The following CEBPG variants were observed in gnomAD, a reference collection of about 807,000 sequenced individuals.
CEBPG encodes the protein CCAAT enhancer binding protein gamma.
CEBPG carries 6 observed loss-of-function variants against 11.1 expected under a neutral mutation model. The ratio of observed to expected loss-of-function variants is 0.54; its 90% confidence interval spans 0.30 to 1.07. The LOEUF is 1.07. Ranked by LOEUF, CEBPG falls within the 50% of genes least tolerant of loss-of-function variation. CEBPG has a pLI of 0.07. For missense variants in CEBPG, 161 were observed against 187.4 expected (o/e 0.86, Z 0.82); for synonymous variants, 66 against 71.0 (o/e 0.93, Z 0.36).
At chr19:33,377,507 G>A (rs1242880897) in intron 1 of CEBPG, among the ~76,000 whole-genome samples, 1 of 152,198 alleles carries the variant, frequency 6.6e-6, no homozygotes, top group African/African-American at 2.4e-5. Context: ...CAGGGGAGGT[G>A]TTAAACAAGT....
chr19:33,376,178 G>A (rs1201803187), intron 1 of CEBPG, among the ~76,000 whole-genome samples: 1 of 152,132 alleles, frequency 6.6e-6, no homozygotes, highest in African/African-American at 2.4e-5. Flanking sequence ...GAAATCGAGT[G>A]AAAAATTTAT....
In CEBPG at chr19:33,382,051, G is replaced by A. The variant is rs1967996673; in HGVS notation, c.*2359G>A. The A allele has an allele frequency of 6.0e-6, 1 of 167,126 alleles. No individual in the cohort carries two copies. Among genetic ancestry groups the A allele is most frequent in the Non-Finnish European group, 1.5e-5 (1 of 68,126 alleles). 10.4% of individuals were successfully genotyped at this position (167,126 alleles called of 1,614,324 possible). A position where few individuals can be genotyped will look rare whatever the true frequency, so the allele number is the denominator to read the frequency against. On this transcript the variant is annotated 3_prime_UTR_variant, in exon 2 of 2. Coordinates refer to ENST00000284000, the MANE Select transcript of CEBPG (RefSeq NM_001806.4). ...TTGTGAGGTGACTTTTGTAACTTTT[G>A]TTCTGTGTGTGACCTGTGAACCACT...
chr19:33,379,024 T>C, intron 1 of CEBPG, 120 bp from the exon 2 acceptor site: 2 of 449,014 alleles, frequency 4.5e-6, no homozygotes, highest in Non-Finnish European at 7.8e-6. Flanking sequence ...CAGTTGGCAG[T>C]TGCTGTAGAC....
At chr19:33,379,064 C>A in intron 1 of CEBPG, 80 bp from the exon 2 acceptor site, 2 of 527,728 alleles carry the variant, frequency 3.8e-6, no homozygotes, top group Non-Finnish European at 6.5e-6. Context: ...TAATGTTGGC[C>A]TGATGTTAGG....
At chr19:33,374,757 T>A (rs1034733693) in intron 1 of CEBPG, 1 of 152,198 alleles carries the variant, frequency 6.6e-6, no homozygotes, top group Non-Finnish European at 1.5e-5. Context: ...TCTGGCATCC[T>A]GAAATGTATA....
At position 33,379,563 on chromosome 19, in the gene CEBPG, C is replaced by G. The variant is rs1313833097; in HGVS notation, c.324C>G (p.Ile108Met). Residue 108 changes from isoleucine to methionine, a missense_variant, in exon 2 of 2, where the codon ATC becomes ATG. Ile to Met is a conservative substitution (Grantham distance 10). Transcript: ENST00000284000. ...AGAATGAACGGTTGGAAGCAAAAAT[C>G]AAATTGCTGACCAAGGAATTAAGTG... ...KEENERLEAK[I>M]KLLTKELSVL... 3 of 1,613,946 alleles carry G rather than the reference C, an allele frequency of 1.9e-6. No individual in the cohort carries two copies. The highest frequency in any genetic ancestry group is 2.5e-6 in the Non-Finnish European group (3 of 1,179,916).
intron 1 of CEBPG, among the ~76,000 whole-genome samples, chr19:33,375,342 C>T (rs1293657415): frequency 1.3e-5 from 2 of 152,068 alleles, no homozygotes; most frequent in Non-Finnish European, 2.9e-5. Flanking sequence ...TGAATTTGGT[C>T]TCGTGGTCTA....
Position 33,379,919 on chromosome 19 carries a change from C to T in CEBPG, c.*227C>T, listed in dbSNP as rs191375408. The stretch of plus-strand genomic sequence containing the variant: ...AGGTTTTTGTGGGAATCAAAATCCC[C>T]CAAATGTTAAGGTATATGGTAAAAA... On this transcript the variant is annotated 3_prime_UTR_variant, in exon 2 of 2. Transcript: ENST00000284000. The T allele has an allele frequency of 2.2e-6, 1 of 452,178 alleles. No homozygotes were observed. The highest frequency in any genetic ancestry group is 2.0e-5 in the African/African-American group (1 of 50,148). 28.0% of individuals were successfully genotyped at this position (452,178 alleles called of 1,614,324 possible).
rs76738473 is a variant in CEBPG at position 33,380,000 on chromosome 19, T to C, written c.*308T>C. 6,314 of 243,738 alleles carry C rather than the reference T, an allele frequency of 0.026. 110 individuals are homozygous for C. The highest frequency in any genetic ancestry group is 0.064 in the Middle Eastern group (45 of 700). The allele number at this position is 243,738 out of a possible 1,614,324, so 15.1% of individuals were successfully genotyped here. ...TAAATCCTGACTTCCCAAGAAATGC[T>C]TCTTTTTTAAGTTGACAAAAGGAAT... is the stretch of plus-strand genomic sequence containing the variant. On this transcript the variant is annotated 3_prime_UTR_variant, in exon 2 of 2. Transcript: ENST00000284000.
intron 1 of CEBPG, 105 bp from the exon 2 acceptor site, chr19:33,379,038 TC>T (rs2145311589): frequency 2.1e-6 from 1 of 484,844 alleles, no homozygotes; most frequent in East Asian, 3.2e-5. Flanking sequence ...TGTAGACTTT[TC>T]TCAGCAGAAT....
intron 1 of CEBPG, 90 bp from the exon 2 acceptor site, chr19:33,379,054 T>C: frequency 2.0e-6 from 1 of 506,366 alleles, no homozygotes; most frequent in Non-Finnish European, 3.4e-6. Flanking sequence ...CAGAATCAAT[T>C]AATGTTGGCC....
Position 33,379,602 on chromosome 19 carries a change from G to C in CEBPG, c.363G>C (p.Leu121Phe), listed in dbSNP as rs753806530. 8 of 1,614,130 alleles carry C rather than the reference G, an allele frequency of 5.0e-6. No individual in the cohort carries two copies. The highest frequency in any genetic ancestry group is 6.8e-6 in the Non-Finnish European group (8 of 1,180,022). Residue 121 changes from leucine (L) to phenylalanine (F), a missense_variant, in exon 2 of 2, where the codon TTG becomes TTC. Transcript: ENST00000284000. The part of the protein sequence containing the change: ...LTKELSVLKD[L>F]FLEHAHNLAD... ...AGGAATTAAGTGTACTCAAAGATTTGTTTCTTGAGCATGCACACAACCTTG... is the reference window on the plus strand; with the variant it reads ...AGGAATTAAGTGTACTCAAAGATTTCTTTCTTGAGCATGCACACAACCTTG...
At chr19:33,378,537 T>G (rs565887720) in intron 1 of CEBPG, among the ~76,000 whole-genome samples, 1 of 152,314 alleles carries the variant, frequency 6.6e-6, no homozygotes, top group South Asian at 2.1e-4. Context: ...TCAGTAAATT[T>G]GGTTAAACTG....
chr19:33,379,661 C>A lies in CEBPG; in HGVS notation c.422C>A (p.Thr141Lys). 1 of 1,612,644 alleles carries A rather than the reference C, an allele frequency of 6.2e-7. No homozygotes were observed. The highest frequency in any genetic ancestry group is 8.5e-7 in the Non-Finnish European group (1 of 1,178,946). Residue 141 changes from threonine to lysine, a missense_variant, in exon 2 of 2, where the codon ACG becomes AAG. Transcript: ENST00000284000. ...GTACAGTCCATTAGCACTGAAAATA[C>A]GACAGCAGATGGCGACAATGCAGGA... is the stretch of plus-strand genomic sequence containing the variant. ...DNVQSISTEN[T>K]TADGDNAGQ
chr19:33,377,752 C>T (rs1476268473), intron 1 of CEBPG, among the ~76,000 whole-genome samples: 2 of 152,152 alleles, frequency 1.3e-5, no homozygotes, highest in East Asian at 1.9e-4. Flanking sequence ...TTAGTGTTGG[C>T]GTGAGAACAG....
In CEBPG at chr19:33,379,372, G is replaced by A; in HGVS notation, c.133G>A (p.Ala45Thr). ...TGCTGGCCCTGGGGGAGGAGGCAAA[G>A]CTGTGGCTCCCAGCAAGCAGAGCAA... is the stretch of plus-strand genomic sequence containing the variant. ...VPAGPGGGGK[A>T]VAPSKQSKKS... Residue 45 changes from alanine (A) to threonine (T), a missense_variant, in exon 2 of 2, where the codon GCT (alanine) becomes ACT (threonine). Coordinates refer to ENST00000284000, the MANE Select transcript of CEBPG (RefSeq NM_001806.4). 6.2e-7 allele frequency: 1 copy of A among 1,614,048 alleles called. No homozygotes were observed. The highest frequency in any genetic ancestry group is 8.5e-7 in the Non-Finnish European group (1 of 1,180,026).
At position 33,380,929 on chromosome 19, in the gene CEBPG, A is replaced by G. The variant is rs1967978461; in HGVS notation, c.*1237A>G. On this transcript the variant is annotated 3_prime_UTR_variant, in exon 2 of 2. Coordinates refer to ENST00000284000, the MANE Select transcript of CEBPG (RefSeq NM_001806.4). ...GCTTTTGTGTCCCATAAATTATTTC[A>G]GAAAATGCTGATAAAACTCAGGATA... The G allele has an allele frequency of 6.0e-6, 1 of 166,956 alleles. No individual in the cohort carries two copies. The highest frequency in any genetic ancestry group is 2.4e-5 in the African/African-American group (1 of 41,454). 10.3% of individuals were successfully genotyped at this position (166,956 alleles called of 1,614,324 possible). A position where few individuals can be genotyped will look rare whatever the true frequency, so the allele number is the denominator to read the frequency against.
Position 33,382,628 on chromosome 19 carries a change from TA to T in CEBPG, c.*2939del, listed in dbSNP as rs1248338062. 18 of 166,920 alleles carry T rather than the reference TA, an allele frequency of 1.1e-4. No homozygotes were observed. The highest frequency in any genetic ancestry group is 1.5e-5 in the Non-Finnish European group (1 of 68,124). 10.3% of individuals were successfully genotyped at this position (166,920 alleles called of 1,614,324 possible). On this transcript the variant is annotated 3_prime_UTR_variant, in exon 2 of 2. Coordinates refer to ENST00000284000, the MANE Select transcript of CEBPG (RefSeq NM_001806.4). ...GTTTGTGAGATTTCTCTATTTTTTT[TA>T]AATATAATTTTATTTCTTTCAACAA... is the stretch of plus-strand genomic sequence containing the variant.
chr19:33,380,992 A>G lies in CEBPG; in HGVS notation c.*1300A>G, dbSNP rs1247343364. 2 of 167,082 alleles carry G rather than the reference A, an allele frequency of 1.2e-5. No homozygotes were observed. The highest frequency in any genetic ancestry group is 4.8e-5 in the African/African-American group (2 of 41,466). The allele number at this position is 167,082 out of a possible 1,614,324, so 10.3% of individuals were successfully genotyped here. A position where few individuals can be genotyped will look rare whatever the true frequency, so the allele number is the denominator to read the frequency against. On this transcript the variant is annotated 3_prime_UTR_variant, in exon 2 of 2. Coordinates refer to ENST00000284000, the MANE Select transcript of CEBPG (RefSeq NM_001806.4). ...TTGAGACTAAAAAATGGCAGTCGCT[A>G]AAGTAGGGACTCTAGAGTCTGGCTT...
Sources: gnomAD v4.1 joint callset for allele counts (sites outside exome capture counted in the v4.1 genomes callset) on GRCh38, gnomAD v4.1.1 for gene constraint, MANE v1.5 for transcripts, NCBI Gene and HGNC (gene_info 2026-07-23, HGNC 2026-07-21) for gene names.